Variants in UGGT2 observed in about 807,000 individuals in gnomAD.
UGGT2 encodes the protein UDP-glucose glycoprotein glucosyltransferase 2, also known as UDP-glucose:glycoprotein glucosyltransferase 2.
UGGT2 carries 180 observed loss-of-function variants against 192.1 expected under a neutral mutation model. The observed-to-expected ratio is 0.94, with a 90% CI of 0.83 to 1.06. The LOEUF (loss-of-function observed/expected upper bound fraction) is 1.06, where lower values mean the gene tolerates loss of function less well. UGGT2 is among the 50% of genes least tolerant of loss of function. The pLI, the probability that UGGT2 is intolerant of heterozygous loss-of-function variation, is 0.00. For synonymous variants in UGGT2, 580 were observed against 591.0 expected, an observed-to-expected ratio of 0.98 and a Z score of 0.27; for missense variants, 1,849 against 1,795.7, an observed-to-expected ratio of 1.03 and a Z score of -0.54.
rs573776459 is a variant in UGGT2 at position 95,877,426 on chromosome 13, T to C, written c.3388-62A>G. Reference sequence around the variant, plus strand: ...TGACTAAAAACCATCGAATTGCTCATGAATACACGAATGATCTAAGAAAGT... The same window carrying C: ...TGACTAAAAACCATCGAATTGCTCACGAATACACGAATGATCTAAGAAAGT... On this transcript the variant is annotated intron_variant, in intron 28 of 38. Transcript: ENST00000376747. The C allele has an allele frequency of 1.0e-5, 13 of 1,301,822 alleles. No individual in the cohort carries two copies. In the East Asian group the frequency reaches 2.3e-4, roughly 23 times the overall value. The allele number at this position is 1,301,822 out of a possible 1,614,324, so 80.6% of individuals were successfully genotyped here.
At chr13:96,035,425 A>G (rs994604359) in intron 1 of UGGT2, among the ~76,000 whole-genome samples, 3 of 152,258 alleles carry the variant, frequency 2.0e-5, no homozygotes, top group Non-Finnish European at 4.4e-5. Flanking sequence ...GATGAATTAG[A>G]GACTTAAATG....
chr13:95,831,293 C>G (rs1056853204), intron 38 of UGGT2, among the ~76,000 whole-genome samples: 1 of 151,874 alleles, frequency 6.6e-6, no homozygotes, highest in Non-Finnish European at 1.5e-5. Flanking sequence ...AAAAAAAAAT[C>G]TCTTTTGTAA....
At chr13:96,001,775 C>A (rs772290788) in intron 5 of UGGT2, among the ~76,000 whole-genome samples, 7 of 152,104 alleles carry the variant, frequency 4.6e-5, no homozygotes, top group Non-Finnish European at 8.8e-5. Flanking sequence ...AGATTTTCTC[C>A]CACCTTGCCA....
At chr13:95,853,185 TC>T (rs1889227251) in intron 36 of UGGT2, among the ~76,000 whole-genome samples, 2 of 152,164 alleles carry the variant, frequency 1.3e-5, no homozygotes, top group Admixed American at 1.3e-4. Flanking sequence ...TCCTGAGGCC[TC>T]CCCAGCCATG....
intron 26 of UGGT2, among the ~76,000 whole-genome samples, chr13:95,886,523 C>T (rs76248264): frequency 2.0e-5 from 3 of 152,138 alleles, no homozygotes; most frequent in Admixed American, 2.0e-4. Context: ...ACTTATGGAA[C>T]TAACAAACCT....
chr13:95,965,438 G>C (rs2050542001), intron 12 of UGGT2, among the ~76,000 whole-genome samples: 1 of 152,034 alleles, frequency 6.6e-6, no homozygotes, highest in South Asian at 2.1e-4. Context: ...CATGTCCTTT[G>C]TAGGGACATG....
At chr13:95,990,659 C>A (rs1265779770) in intron 7 of UGGT2, 1 of 152,090 alleles carries the variant, frequency 6.6e-6, no homozygotes, top group Non-Finnish European at 1.5e-5. Context: ...AGACATGGTG[C>A]CATTTCAGAT....
chr13:95,837,570 C>A (rs180698077), intron 36 of UGGT2, among the ~76,000 whole-genome samples: 28 of 152,298 alleles, frequency 1.8e-4, no homozygotes, highest in African/African-American at 6.7e-4. Flanking sequence ...ACAATGCTCT[C>A]TGGATTCTGA....
At chr13:95,997,517 C>G (rs766333332) in intron 6 of UGGT2, among the ~76,000 whole-genome samples, 1 of 152,044 alleles carries the variant, frequency 6.6e-6, no homozygotes, top group Non-Finnish European at 1.5e-5. Context: ...GTGGCAGGCG[C>G]GTGTAATCCC....
At chr13:96,015,043 C>G (rs372247464) in intron 4 of UGGT2, among the ~76,000 whole-genome samples, 202 of 152,028 alleles carry the variant, frequency 1.3e-3, no homozygotes, top group South Asian at 5.8e-3. Context: ...CTTTGGGAGG[C>G]CGAGGTGGGC....
At chr13:95,856,890 T>C (rs1004776698) in intron 33 of UGGT2, among the ~76,000 whole-genome samples, 1 of 152,128 alleles carries the variant, frequency 6.6e-6, no homozygotes, top group African/African-American at 2.4e-5. Flanking sequence ...TATTTCATAT[T>C]TGAGTATCTT....
intron 1 of UGGT2, among the ~76,000 whole-genome samples, chr13:96,047,748 C>T (rs2053360289): frequency 6.6e-6 from 1 of 152,106 alleles, no homozygotes; most frequent in Non-Finnish European, 1.5e-5. Flanking sequence ...AAGGCCATTA[C>T]ATAATGGTAA....
intron 4 of UGGT2, among the ~76,000 whole-genome samples, chr13:96,022,645 A>C (rs983186972): frequency 2.0e-5 from 3 of 151,962 alleles, no homozygotes; most frequent in Non-Finnish European, 4.4e-5. Flanking sequence ...TTTTTAAATT[A>C]AATACTTGCA....
chr13:95,814,532 C>A (rs1884727704), intron 38 of UGGT2, among the ~76,000 whole-genome samples: 1 of 152,158 alleles, frequency 6.6e-6, no homozygotes, highest in Admixed American at 6.5e-5. Context: ...TCCTTTGTAT[C>A]TTGGAAATAA....
chr13:95,901,859 C>T (rs2048114015), intron 21 of UGGT2, among the ~76,000 whole-genome samples: 1 of 152,110 alleles, frequency 6.6e-6, no homozygotes, highest in South Asian at 2.1e-4. Flanking sequence ...TGACCATCAC[C>T]ATCCCTAGAT....
intron 27 of UGGT2, 139 bp downstream of exon 27, chr13:95,884,352 T>C (rs1392060125): frequency 4.5e-6 from 3 of 672,812 alleles, no homozygotes; most frequent in Admixed American, 4.3e-5. Context: ...AAAGGAAAGA[T>C]TGGATCAGGA....
chr13:95,873,848 G>A (rs1891433433), intron 29 of UGGT2, among the ~76,000 whole-genome samples: 1 of 152,160 alleles, frequency 6.6e-6, no homozygotes, highest in Non-Finnish European at 1.5e-5. Context: ...CTGGACATGG[G>A]TCAGACAAGA....
chr13:95,975,020 G>A (rs1301246496), intron 10 of UGGT2, among the ~76,000 whole-genome samples: 1 of 152,204 alleles, frequency 6.6e-6, no homozygotes, highest in Non-Finnish European at 1.5e-5. Flanking sequence ...GGTGGAGGTT[G>A]CAGTGAGCTG....
intron 21 of UGGT2, among the ~76,000 whole-genome samples, chr13:95,902,365 T>C (rs1191387381): frequency 6.6e-6 from 1 of 152,126 alleles, no homozygotes; most frequent in Non-Finnish European, 1.5e-5. Context: ...CTTATAAATA[T>C]TTTGTCTGTC....
Sources: gnomAD v4.1 joint callset for allele counts (sites outside exome capture counted in the v4.1 genomes callset) on GRCh38, gnomAD v4.1.1 for gene constraint, MANE v1.5 for transcripts, NCBI Gene and HGNC (gene_info 2026-07-23, HGNC 2026-07-21) for gene names.